TLE4: variants seen among roughly 807,000 people sequenced by gnomAD.
TLE4 encodes the protein transducin-like enhancer protein 4.
TLE4 carries 8 observed loss-of-function variants against 92.8 expected under a neutral mutation model. That is an observed-to-expected ratio of 0.09 (90% CI 0.05 to 0.16). The LOEUF (loss-of-function observed/expected upper bound fraction) is 0.16, where lower values mean the gene tolerates loss of function less well. Ranked by LOEUF, TLE4 falls within the 10% of genes least tolerant of loss-of-function variation. The pLI, the probability that TLE4 is intolerant of heterozygous loss-of-function variation, is 1.00. For missense variants in TLE4, 675 were observed against 997.6 expected, an observed-to-expected ratio of 0.68 and a Z score of 4.36; for synonymous variants, 371 against 374.1, an observed-to-expected ratio of 0.99 and a Z score of 0.10.
intron 18 of TLE4, 44 bp downstream of exon 18, chr9:79,722,645 T>C (rs1315959617): frequency 1.2e-6 from 2 of 1,602,082 alleles, no homozygotes. Flanking sequence ...CCAGAATTGC[T>C]CCTTCCCCCT....
intron 6 of TLE4, among the ~76,000 whole-genome samples, chr9:79,646,293 A>T (rs1364705342): frequency 6.6e-6 from 1 of 152,134 alleles, no homozygotes; most frequent in East Asian, 1.9e-4. Context: ...CAGAGGGCAG[A>T]GGACAGTTTT....
chr9:79,716,542 A>T (rs1456288090), intron 14 of TLE4, among the ~76,000 whole-genome samples: 2 of 152,174 alleles, frequency 1.3e-5, no homozygotes, highest in Non-Finnish European at 2.9e-5. Flanking sequence ...TGTTCACCTG[A>T]TTCCCCAGCA....
chr9:79,709,847 A>G, intron 14 of TLE4, 148 bp downstream of exon 14: 1 of 613,278 alleles, frequency 1.6e-6, no homozygotes, highest in South Asian at 2.8e-5. Flanking sequence ...ATTTTCTCTT[A>G]GCACAAGAAG....
At chr9:79,626,402 C>T (rs1021188371) in intron 5 of TLE4, among the ~76,000 whole-genome samples, 15 of 152,186 alleles carry the variant, frequency 9.9e-5, no homozygotes, top group Admixed American at 2.6e-4. Context: ...CAGAGGAGTA[C>T]TTGTTTCACG....
rs746746734 is a variant in TLE4 at position 79,720,183 on chromosome 9, G to A, written c.1728G>A (p.Ser576=). ...TPRIKAELTS[S]APACYALAIS... Reference sequence around the variant, plus strand: ...GCATCAAGGCAGAGCTGACATCCTCGGCCCCCGCCTGCTATGCCCTGGCCA... The same window carrying A: ...GCATCAAGGCAGAGCTGACATCCTCAGCCCCCGCCTGCTATGCCCTGGCCA... The change falls in exon 16 of 20, where the codon TCG becomes TCA. Residue 576 remains serine, a synonymous_variant. Coordinates refer to ENST00000376552, the MANE Select transcript of TLE4 (RefSeq NM_007005.6). 14 of 1,614,034 alleles carry A rather than the reference G, an allele frequency of 8.7e-6. No individual in the cohort carries two copies. In the East Asian group the frequency reaches 1.6e-4, roughly 18 times the overall value.
chr9:79,606,187 G>GTTTTTTT (rs71364420), intron 4 of TLE4, among the ~76,000 whole-genome samples: 350 of 28,696 alleles, frequency 0.012, 139 homozygotes, highest in Non-Finnish European at 0.016. Context: ...AGTAGTAGTT[G>GTTTTTTT]TTTTTTTTTT....
At chr9:79,687,580 T>G (rs1356026273) in intron 8 of TLE4, among the ~76,000 whole-genome samples, 3 of 152,216 alleles carry the variant, frequency 2.0e-5, no homozygotes, top group Non-Finnish European at 4.4e-5. Flanking sequence ...TATATTTGAA[T>G]CCAGAATTGT....
At chr9:79,573,637 C>T (rs2036658232) in intron 1 of TLE4, 52 bp from the exon 2 acceptor site, 24 of 1,449,332 alleles carry the variant, frequency 1.7e-5, no homozygotes, top group Admixed American at 1.9e-5. Flanking sequence ...TCTCCGTCTC[C>T]CTGCTTCGCC....
At chr9:79,658,531 T>G (rs1230695819) in intron 8 of TLE4, among the ~76,000 whole-genome samples, 5 of 152,216 alleles carry the variant, frequency 3.3e-5, no homozygotes, top group East Asian at 3.8e-4. Flanking sequence ...CCATTTATTA[T>G]GTTGACAATA....
chr9:79,671,253 A>AG (rs1420549064), intron 8 of TLE4: 1 of 456,558 alleles, frequency 2.2e-6, no homozygotes, highest in South Asian at 1.5e-5. Flanking sequence ...GAGACCAAAG[A>AG]GGAAGAACCT....
chr9:79,677,511 A>G (rs989864912), intron 8 of TLE4, among the ~76,000 whole-genome samples: 8 of 152,042 alleles, frequency 5.3e-5, no homozygotes, highest in Non-Finnish European at 1.2e-4. Flanking sequence ...GTATTGGACT[A>G]TGATAACAGC....
chr9:79,658,172 T>A (rs1031673246), intron 8 of TLE4, among the ~76,000 whole-genome samples: 5 of 152,202 alleles, frequency 3.3e-5, no homozygotes, highest in Admixed American at 6.5e-5. Flanking sequence ...CAGTGCCAAA[T>A]TGATCTCCTA....
Position 79,708,673 on chromosome 9 carries a change from G to A in TLE4, c.1150G>A (p.Gly384Arg), listed in dbSNP as rs771669600. The part of the protein sequence containing the change: ...FGIVPHAGMN[G>R]ELTSPGAAYA... ...GATTGTGCCCCATGCTGGAATGAAC[G>A]GAGAGCTGACCAGCCCCGGAGCGGC... Residue 384 changes from glycine to arginine, a missense_variant, in exon 13 of 20, where the codon GGA (glycine) becomes AGA (arginine). This residue lies in a region of TLE4 where 119 missense variants were observed against 175.9 expected (regional missense o/e 0.68). Transcript: ENST00000376552. The A allele has an allele frequency of 3.1e-6, 5 of 1,614,020 alleles. No individual in the cohort carries two copies. Among genetic ancestry groups the A allele is most frequent in the Non-Finnish European group, 4.2e-6 (5 of 1,180,026 alleles).
At position 79,668,650 on chromosome 9, in the gene TLE4, T is replaced by G. The variant is rs529291156; in HGVS notation, c.609+14575T>G. Among the ~76,000 whole-genome samples, 31 of 152,236 alleles carry G rather than the reference T, an allele frequency of 2.0e-4. No individual in the cohort carries two copies. The South Asian group carries it at 6.4e-3, about 32-fold the overall frequency. ...CCCCTCCTCAACTTAAAACAAAATT[T>G]TAATAATAGAAGTATTTTGGACTGG... On this transcript the variant is annotated intron_variant, in intron 8 of 19. Coordinates refer to ENST00000376552, the MANE Select transcript of TLE4 (RefSeq NM_007005.6).
At chr9:79,695,856 C>T (rs893624776) in intron 8 of TLE4, among the ~76,000 whole-genome samples, 3 of 152,226 alleles carry the variant, frequency 2.0e-5, no homozygotes, top group Admixed American at 6.5e-5. Flanking sequence ...TGCACAGAGG[C>T]TCTGAAGGAT....
rs2042634149 is a variant in TLE4, at chr9:79,591,973, C to T, written c.252+15796C>T. ...CTCTCCTGCCAAATTTATAATCCTTCCAAGAACCTCAAGGATTCTTTCCAC... is the reference window on the plus strand; with the variant it reads ...CTCTCCTGCCAAATTTATAATCCTTTCAAGAACCTCAAGGATTCTTTCCAC... On this transcript the variant is annotated intron_variant, in intron 4 of 19. Coordinates refer to ENST00000376552, the MANE Select transcript of TLE4 (RefSeq NM_007005.6). Among the ~76,000 whole-genome samples the T allele has an allele frequency of 2.6e-5, 4 of 152,268 alleles. No homozygotes were observed. The South Asian group carries it at 8.3e-4, about 32-fold the overall frequency.
chr9:79,584,312 C>G (rs1481862461), intron 4 of TLE4, among the ~76,000 whole-genome samples: 1 of 152,158 alleles, frequency 6.6e-6, no homozygotes, highest in Admixed American at 6.5e-5. Flanking sequence ...AGGACAGCTC[C>G]TCCCTCCCCT....
chr9:79,721,350 C>T (rs1329063293), intron 16 of TLE4, among the ~76,000 whole-genome samples: 2 of 152,200 alleles, frequency 1.3e-5, no homozygotes, highest in African/African-American at 4.8e-5. Flanking sequence ...ATCCCCAGTC[C>T]TTCTTTAAAG....
Position 79,604,447 on chromosome 9 carries a change from G to A in TLE4, c.253-8209G>A, listed in dbSNP as rs191401281. Among the ~76,000 whole-genome samples the A allele has an allele frequency of 4.6e-5, 7 of 152,254 alleles. No homozygotes were observed. The East Asian group carries it at 1.2e-3, about 25-fold the overall frequency. ...TGATAAGAGCAGCTACTCATAGTGA[G>A]AAAACAATCAAAGGGATTGTAAGGA... On this transcript the variant is annotated intron_variant, in intron 4 of 19. Transcript: ENST00000376552.
Sources: gnomAD v4.1 joint callset for allele counts (sites outside exome capture counted in the v4.1 genomes callset) on GRCh38, gnomAD v4.1.1 for gene constraint, gnomAD v4.1.1 regional missense constraint, MANE v1.5 for transcripts, NCBI Gene and HGNC (gene_info 2026-07-23, HGNC 2026-07-21) for gene names.